ADAMTSL1: variants seen among roughly 807,000 people sequenced by gnomAD.
The protein encoded by ADAMTSL1 is ADAMTS-like protein 1.
Under a neutral mutation model 201.8 loss-of-function variants are expected in ADAMTSL1, and 126 were observed. The ratio of observed to expected loss-of-function variants is 0.62; its 90% CI spans 0.54 to 0.72. The LOEUF (loss-of-function observed/expected upper bound fraction) is 0.72, where lower values mean the gene tolerates loss of function less well. Among genes scored for constraint, ADAMTSL1 ranks in the 30% least tolerant of loss-of-function variants. ADAMTSL1 has a pLI of 0.00. For synonymous variants in ADAMTSL1, 1,121 were observed against 903.4 expected (o/e 1.24, Z -4.32); for missense variants, 2,679 against 2,277.8 (o/e 1.18, Z -3.59).
At chr9:18,651,654 G>A (rs1029885003) in intron 7 of ADAMTSL1, among the ~76,000 whole-genome samples, 1 of 152,200 alleles carries the variant, frequency 6.6e-6, no homozygotes, top group Non-Finnish European at 1.5e-5. Context: ...GTTAGGAAGA[G>A]TGGCATCATT....
At chr9:18,129,678 C>T (rs1354668746) in intron 1 of ADAMTSL1, among the ~76,000 whole-genome samples, 2 of 152,096 alleles carry the variant, frequency 1.3e-5, no homozygotes, top group African/African-American at 2.4e-5. Context: ...TTAAAGTACA[C>T]CATGAACAGA....
chr9:18,099,363 T>A (rs866006798), intron 1 of ADAMTSL1, among the ~76,000 whole-genome samples: 4,655 of 78,674 alleles, frequency 0.059, 396 homozygotes, highest in African/African-American at 0.18. Context: ...ATATTTTTTT[T>A]TTTTTTTTTA....
chr9:18,377,460 T>C (rs56348051), intron 2 of ADAMTSL1, among the ~76,000 whole-genome samples: 26,763 of 152,248 alleles, frequency 0.18, 2,919 homozygotes, highest in African/African-American at 0.31. Context: ...CTTAAATTCA[T>C]TAAATGCAAT....
chr9:18,246,693 T>C (rs1446094293), intron 2 of ADAMTSL1, among the ~76,000 whole-genome samples: 1 of 152,212 alleles, frequency 6.6e-6, no homozygotes, highest in Non-Finnish European at 1.5e-5. Flanking sequence ...CAAAGTGACA[T>C]ATCTGAGATA....
intron 1 of ADAMTSL1, among the ~76,000 whole-genome samples, chr9:18,024,996 AT>A (rs1820633464): frequency 6.6e-6 from 1 of 151,898 alleles, no homozygotes; most frequent in Admixed American, 6.6e-5. Context: ...TGTGGTTTTG[AT>A]TTGCATTTAT....
At chr9:18,779,298 T>C (rs1373695996) in intron 19 of ADAMTSL1, among the ~76,000 whole-genome samples, 1 of 152,240 alleles carries the variant, frequency 6.6e-6, no homozygotes, top group African/African-American at 2.4e-5. Context: ...CACATCATTT[T>C]TTGCCTTTGT....
chr9:18,624,821 C>A (rs1292556848), intron 5 of ADAMTSL1, among the ~76,000 whole-genome samples: 1 of 152,082 alleles, frequency 6.6e-6, no homozygotes, highest in East Asian at 1.9e-4. Context: ...TGAAAAGTGC[C>A]CTATTCAAGA....
intron 1 of ADAMTSL1, among the ~76,000 whole-genome samples, chr9:17,983,212 A>C (rs111479695): frequency 0.034 from 5,186 of 151,856 alleles, 115 homozygotes; most frequent in Middle Eastern, 0.071. Context: ...CTGGGACTAC[A>C]GGTGGGCACC....
chr9:18,319,577 A>T (rs1199183186), intron 2 of ADAMTSL1, among the ~76,000 whole-genome samples: 1 of 152,172 alleles, frequency 6.6e-6, no homozygotes, highest in African/African-American at 2.4e-5. Flanking sequence ...TCTGAAGACT[A>T]TGGGGAGAGA....
chr9:18,227,045 C>T (rs1464679971), intron 2 of ADAMTSL1, among the ~76,000 whole-genome samples: 1 of 151,978 alleles, frequency 6.6e-6, no homozygotes, highest in Non-Finnish European at 1.5e-5. Flanking sequence ...TACATTTTAC[C>T]TGCTTTCTTA....
intron 2 of ADAMTSL1, among the ~76,000 whole-genome samples, chr9:18,370,424 T>C (rs1378509720): frequency 1.3e-5 from 2 of 152,148 alleles, no homozygotes; most frequent in Non-Finnish European, 2.9e-5. Context: ...CATATCCGTA[T>C]GAAAACCTGC....
chr9:18,138,706 G>C (rs571887567), intron 1 of ADAMTSL1, among the ~76,000 whole-genome samples: 1 of 151,910 alleles, frequency 6.6e-6, no homozygotes, highest in Non-Finnish European at 1.5e-5. Context: ...GAGATCAAAA[G>C]GAAAAAAAGG....
At chr9:18,250,002 C>G (rs909688753) in intron 2 of ADAMTSL1, among the ~76,000 whole-genome samples, 1 of 152,178 alleles carries the variant, frequency 6.6e-6, no homozygotes, top group African/African-American at 2.4e-5. Flanking sequence ...CATGCTAATG[C>G]TTACCTGTAA....
chr9:18,641,750 C>T (rs10963698), intron 7 of ADAMTSL1, among the ~76,000 whole-genome samples: 39,792 of 151,762 alleles, frequency 0.26, 5,857 homozygotes, highest in East Asian at 0.66. Flanking sequence ...ACAACTTTCT[C>T]TTCCCTAATT....
intron 1 of ADAMTSL1, among the ~76,000 whole-genome samples, chr9:17,992,915 T>C (rs1819219714): frequency 6.6e-6 from 1 of 152,158 alleles, no homozygotes; most frequent in Non-Finnish European, 1.5e-5. Flanking sequence ...CATAACCCTT[T>C]ACTGAATTCG....
intron 2 of ADAMTSL1, among the ~76,000 whole-genome samples, chr9:18,430,569 G>GTT (rs1215825177): frequency 6.6e-6 from 1 of 152,114 alleles, no homozygotes; most frequent in Non-Finnish European, 1.5e-5. Context: ...ATTTAAAAGG[G>GTT]TTTCATGTGA....
At chr9:18,051,204 G>C (rs1011448603) in intron 1 of ADAMTSL1, among the ~76,000 whole-genome samples, 1 of 152,214 alleles carries the variant, frequency 6.6e-6, no homozygotes, top group Non-Finnish European at 1.5e-5. Flanking sequence ...GGGAGGCTGA[G>C]GCGGGAGAAT....
At position 18,258,604 on chromosome 9, in the gene ADAMTSL1, C is replaced by T. The variant is rs140942456; in HGVS notation, c.207+94623C>T. On this transcript the variant is annotated intron_variant, in intron 2 of 29. Transcript: ENST00000680146. Reference sequence around the variant, plus strand: ...CATTCCTGTGTGGCCTGGATCTCCACACCCACCGCCAGTGCCTTCTCCAGG... The same window carrying T: ...CATTCCTGTGTGGCCTGGATCTCCATACCCACCGCCAGTGCCTTCTCCAGG... 5.3e-5 allele frequency among the ~76,000 whole-genome samples: 8 copies of T among 152,324 alleles called. 1 individual carries two copies. The highest frequency in any genetic ancestry group is 1.9e-4 in the East Asian group (1 of 5,162).
At chr9:18,522,460 C>T (rs1211411673) in intron 2 of ADAMTSL1, among the ~76,000 whole-genome samples, 1 of 151,852 alleles carries the variant, frequency 6.6e-6, no homozygotes, top group East Asian at 1.9e-4. Context: ...TTTTATTATA[C>T]TTTAAGTTCT....
Sources: gnomAD v4.1 joint callset for allele counts (sites outside exome capture counted in the v4.1 genomes callset) on GRCh38, gnomAD v4.1.1 for gene constraint, MANE v1.5 for transcripts, NCBI Gene and HGNC (gene_info 2026-07-23, HGNC 2026-07-21) for gene names.